C7orf57: variants seen among roughly 807,000 people sequenced by gnomAD.
The protein encoded by C7orf57 is uncharacterized protein C7orf57.
In C7orf57, 33 loss-of-function variants were observed where a neutral mutation model predicts 39.0. That is an observed-to-expected ratio of 0.85 (90% confidence interval 0.64 to 1.13). C7orf57 has a LOEUF of 1.13. C7orf57 is among the 50% of genes most tolerant of loss of function. The probability of loss-of-function intolerance (pLI) is 0.00; values close to 1 mark genes in which losing one functional copy is unlikely to be tolerated. For missense variants in C7orf57, 346 were observed against 362.3 expected (o/e 0.95, Z 0.37); for synonymous variants, 124 against 137.1 (o/e 0.90, Z 0.67).
At chr7:48,049,422 T>C (rs1790810106) in intron 5 of C7orf57, among the ~76,000 whole-genome samples, 1 of 152,214 alleles carries the variant, frequency 6.6e-6, no homozygotes, top group East Asian at 1.9e-4. Context: ...GGCCATGCTG[T>C]TCTGAGTGTC....
chr7:48,054,858 G>A (rs12531564), intron 8 of C7orf57, among the ~76,000 whole-genome samples: 4 of 150,994 alleles, frequency 2.6e-5, no homozygotes, highest in African/African-American at 9.8e-5. Context: ...TGATGATGAT[G>A]ATGATGATGA....
intron 8 of C7orf57, among the ~76,000 whole-genome samples, chr7:48,057,874 G>T (rs1246867597): frequency 6.6e-6 from 1 of 151,980 alleles, no homozygotes; most frequent in East Asian, 1.9e-4. Context: ...CTATTAAGGT[G>T]ATCATATGGT....
At chr7:48,041,183 C>CA in intron 2 of C7orf57, 151 bp from the exon 3 acceptor site, 2 of 602,404 alleles carry the variant, frequency 3.3e-6, no homozygotes, top group East Asian at 6.3e-5. Context: ...GTCAGTAACC[C>CA]AAAAGAGGGC....
chr7:48,037,650 T>TA (rs1387851954), intron 2 of C7orf57, among the ~76,000 whole-genome samples: 3 of 152,056 alleles, frequency 2.0e-5, no homozygotes, highest in African/African-American at 7.3e-5. Flanking sequence ...TATATATATA[T>TA]ATAAAAAATC....
Position 48,043,443 on chromosome 7 carries a change from G to C in C7orf57, c.242-38G>C, listed in dbSNP as rs200621851. The C allele has an allele frequency of 4.5e-3, 6,862 of 1,509,222 alleles. 23 individuals are homozygous for C. Among genetic ancestry groups the C allele is most frequent in the Non-Finnish European group, 5.7e-3 (6,202 of 1,091,124 alleles). The allele number at this position is 1,509,222 out of a possible 1,614,324, so 93.5% of individuals were successfully genotyped here. A position where few individuals can be genotyped will look rare whatever the true frequency, so the allele number is the denominator to read the frequency against. On this transcript the variant is annotated intron_variant, in intron 3 of 8. Coordinates refer to ENST00000348904, the MANE Select transcript of C7orf57 (RefSeq NM_001100159.3). ...AATGCTGTGCGTCTGTGTAGGGGCGGCGGGGTGTCTCACAGCCATGTCATT... is the reference window on the plus strand; with the variant it reads ...AATGCTGTGCGTCTGTGTAGGGGCGCCGGGGTGTCTCACAGCCATGTCATT...
rs1266098712 is a variant in C7orf57 at position 48,049,972 on chromosome 7, C to G, written c.600C>G (p.Pro200=). The part of the protein sequence containing the change: ...KNPAGSRLSF[P]PVPGQKNSSP... ...CTGCAGGAAGTAGACTCTCCTTCCC[C>G]CCCGTGTAAGTGCTTGAGCTACGCC... is the stretch of plus-strand genomic sequence containing the variant. Residue 200 remains proline (P), a synonymous_variant, in exon 6 of 9, where the codon CCC becomes CCG. Coordinates refer to ENST00000348904, the MANE Select transcript of C7orf57 (RefSeq NM_001100159.3). 2 of 1,606,750 alleles carry G rather than the reference C, an allele frequency of 1.2e-6. No homozygotes were observed. Among genetic ancestry groups the G allele is most frequent in the South Asian group, 2.2e-5 (2 of 90,856 alleles).
intron 6 of C7orf57, among the ~76,000 whole-genome samples, chr7:48,051,347 A>ATTTTT (rs71006546): frequency 0.29 from 20,235 of 69,406 alleles, 3,093 homozygotes; most frequent in Middle Eastern, 0.45. Flanking sequence ...CAGCTGGCTA[A>ATTTTT]TTTTTTTTTT....
chr7:48,041,215 C>T, intron 2 of C7orf57, 119 bp from the exon 3 acceptor site: 2 of 858,580 alleles, frequency 2.3e-6, no homozygotes, highest in Non-Finnish European at 3.5e-6. Flanking sequence ...TGCTAATGGG[C>T]TCTGTGGCTT....
intron 5 of C7orf57, among the ~76,000 whole-genome samples, 193 bp from the exon 6 acceptor site, chr7:48,049,687 T>A (rs922308256): frequency 6.6e-6 from 1 of 152,228 alleles, no homozygotes; most frequent in Admixed American, 6.5e-5. Flanking sequence ...TTTGAGTTAG[T>A]GATAGTCCCT....
intron 3 of C7orf57, among the ~76,000 whole-genome samples, chr7:48,042,001 T>C (rs943742944): frequency 5.9e-5 from 9 of 152,234 alleles, no homozygotes; most frequent in African/African-American, 1.4e-4. Flanking sequence ...CAAATTTTGA[T>C]ACATGATTTA....
At chr7:48,044,005 A>G (rs1790634682) in intron 4 of C7orf57, among the ~76,000 whole-genome samples, 1 of 152,080 alleles carries the variant, frequency 6.6e-6, no homozygotes, top group South Asian at 2.1e-4. Context: ...TGGGCCATGC[A>G]TGAGTGTTAT....
chr7:48,048,826 C>CAAA (rs1790791468), intron 5 of C7orf57, among the ~76,000 whole-genome samples: 1 of 152,090 alleles, frequency 6.6e-6, no homozygotes, highest in Admixed American at 6.5e-5. Flanking sequence ...CCATCTTGGA[C>CAAA]AAGCCTCTCA....
chr7:48,037,952 T>C (rs1030619843), intron 2 of C7orf57, among the ~76,000 whole-genome samples: 1 of 152,204 alleles, frequency 6.6e-6, no homozygotes, highest in Non-Finnish European at 1.5e-5. Flanking sequence ...GATTAATTAG[T>C]AATCAAAACA....
At chr7:48,036,645 T>C (rs949966511) in intron 2 of C7orf57, among the ~76,000 whole-genome samples, 2 of 152,128 alleles carry the variant, frequency 1.3e-5, no homozygotes, top group Non-Finnish European at 2.9e-5. Context: ...AGCAACAGGA[T>C]CCCTTGGAAA....
chr7:48,036,412 A>C, intron 2 of C7orf57, 49 bp downstream of exon 2: 1 of 1,496,218 alleles, frequency 6.7e-7, no homozygotes, highest in Non-Finnish European at 9.0e-7. Context: ...GGGTGCGTGC[A>C]CTCTGCTTGC....
intron 4 of C7orf57, among the ~76,000 whole-genome samples, chr7:48,045,756 G>A (rs570312767): frequency 6.6e-6 from 1 of 152,274 alleles, no homozygotes; most frequent in East Asian, 1.9e-4. Flanking sequence ...ACCTGGTTAT[G>A]TGTACAGATG....
At chr7:48,051,791 T>TTCC (rs1790915172) in intron 6 of C7orf57, among the ~76,000 whole-genome samples, 1 of 86,924 alleles carries the variant, frequency 1.2e-5, no homozygotes, top group Non-Finnish European at 2.5e-5. Flanking sequence ...TCTTTCTTTC[T>TTCC]TTCTTTCCTT....
At position 48,035,724 on chromosome 7, in the gene C7orf57, CG is replaced by C. The variant is rs1790332541; in HGVS notation, c.-102+98del. The C allele has an allele frequency of 1.7e-6, 1 of 587,010 alleles. No individual in the cohort carries two copies. Among genetic ancestry groups the C allele is most frequent in the Admixed American group, 2.9e-5 (1 of 33,932 alleles). 36.4% of individuals were successfully genotyped at this position (587,010 alleles called of 1,614,324 possible). A position where few individuals can be genotyped will look rare whatever the true frequency, so the allele number is the denominator to read the frequency against. ...AGCTCGCAGTGCGGGCAGTGCGCGCCGGGGCTGGAGGGAGGGGACCACCTTG... is the reference window on the plus strand; with the variant it reads ...AGCTCGCAGTGCGGGCAGTGCGCGCCGGGCTGGAGGGAGGGGACCACCTTG... On this transcript the variant is annotated intron_variant, in intron 1 of 8. Coordinates refer to ENST00000348904, the MANE Select transcript of C7orf57 (RefSeq NM_001100159.3). The surrounding 1 kb of genome is among the most constrained non-coding windows in gnomAD (Gnocchi z 4.0).
chr7:48,054,309 G>A (rs369023717), intron 7 of C7orf57, among the ~76,000 whole-genome samples: 3 of 151,830 alleles, frequency 2.0e-5, no homozygotes, highest in Non-Finnish European at 4.4e-5. Context: ...AGCTACTCGG[G>A]AGGCTGAGGC....
Sources: gnomAD v4.1 joint callset for allele counts (sites outside exome capture counted in the v4.1 genomes callset) on GRCh38, gnomAD v4.1.1 for gene constraint, Gnocchi (gnomAD v3.1) non-coding constraint, MANE v1.5 for transcripts, NCBI Gene and HGNC (gene_info 2026-07-23, HGNC 2026-07-21) for gene names.